Variants in MRPS9 observed in about 807,000 individuals in gnomAD.
The protein encoded by MRPS9 is mitochondrial ribosomal protein S9.
Under a neutral mutation model 59.9 loss-of-function variants are expected in MRPS9, and 45 were observed. That is an observed-to-expected ratio of 0.75 (90% CI 0.59 to 0.96). MRPS9 has a LOEUF of 0.96. MRPS9 is among the 40% of genes least tolerant of loss of function. The pLI is 0.00. For missense variants in MRPS9, 473 were observed against 481.1 expected (o/e 0.98, Z 0.16); for synonymous variants, 171 against 166.8 (o/e 1.03, Z -0.19).
At chr2:105,076,509 A>G (rs1680215788) in intron 4 of MRPS9, among the ~76,000 whole-genome samples, 1 of 152,272 alleles carries the variant, frequency 6.6e-6, no homozygotes, top group Non-Finnish European at 1.5e-5. Flanking sequence ...ACATACGTAT[A>G]TACATACATG....
chr2:105,059,035 T>A (rs928884358), intron 2 of MRPS9, among the ~76,000 whole-genome samples: 1 of 151,420 alleles, frequency 6.6e-6, no homozygotes, highest in African/African-American at 2.4e-5. Flanking sequence ...ATTTTTTCTT[T>A]TGGAAAAAGC....
At chr2:105,093,116 T>G (rs1680592661) in intron 8 of MRPS9, among the ~76,000 whole-genome samples, 1 of 152,270 alleles carries the variant, frequency 6.6e-6, no homozygotes, top group South Asian at 2.1e-4. Context: ...TTCCTGAGTA[T>G]TTTTTTATTT....
chr2:105,051,210 G>T (rs115729520), intron 2 of MRPS9, among the ~76,000 whole-genome samples: 1 of 152,138 alleles, frequency 6.6e-6, no homozygotes, highest in South Asian at 2.1e-4. Flanking sequence ...CCATTTTAAC[G>T]TAATTTTTGT....
chr2:105,046,507 C>A (rs534592662), intron 1 of MRPS9, among the ~76,000 whole-genome samples: 10 of 152,056 alleles, frequency 6.6e-5, no homozygotes, highest in African/African-American at 2.4e-4. Flanking sequence ...TCTGTCCATG[C>A]TCACACCCAC....
intron 7 of MRPS9, chr2:105,092,181 T>A (rs1211044545): frequency 2.3e-6 from 1 of 432,428 alleles, no homozygotes; most frequent in African/African-American, 2.0e-5. Flanking sequence ...GAATGATAAA[T>A]CTCTTTGTTT....
chr2:105,067,790 G>A (rs1301705461), intron 2 of MRPS9, among the ~76,000 whole-genome samples: 6 of 152,088 alleles, frequency 3.9e-5, no homozygotes, highest in Non-Finnish European at 8.8e-5. Context: ...GCACATGAAT[G>A]TGCATGTCAC....
chr2:105,078,315 A>AGTTGTGTGT (rs144714916), intron 4 of MRPS9, among the ~76,000 whole-genome samples: 1 of 147,356 alleles, frequency 6.8e-6, no homozygotes, highest in Non-Finnish European at 1.5e-5. Context: ...GGTGAAGTCA[A>AGTTGTGTGT]GTGTGTGTGT....
chr2:105,057,372 G>GCCAA (rs1679813321), intron 2 of MRPS9, among the ~76,000 whole-genome samples: 1 of 152,134 alleles, frequency 6.6e-6, no homozygotes, highest in Non-Finnish European at 1.5e-5. Flanking sequence ...GCCAAATGTT[G>GCCAA]ATCAGTGTGT....
intron 2 of MRPS9, among the ~76,000 whole-genome samples, chr2:105,055,821 C>T (rs926753023): frequency 1.3e-5 from 2 of 152,092 alleles, no homozygotes; most frequent in African/African-American, 4.8e-5. Flanking sequence ...GTCAGCATTT[C>T]CATGCTGCAA....
chr2:105,039,980 A>G lies in MRPS9; in HGVS notation c.135+1753A>G, dbSNP rs118046579. On this transcript the variant is annotated intron_variant, in intron 1 of 10. Coordinates refer to ENST00000258455, the MANE Select transcript of MRPS9 (RefSeq NM_182640.3). ...ATTTAAAGTCAAACAATTACAAGAT[A>G]GTATCCACCCTTAGCACTCTTAAGG... Among the ~76,000 whole-genome samples, 173 of 152,360 alleles carry G rather than the reference A, an allele frequency of 1.1e-3. 3 individuals carry two copies. In the East Asian group the frequency reaches 0.028, roughly 25 times the overall value.
intron 2 of MRPS9, among the ~76,000 whole-genome samples, chr2:105,066,438 A>G (rs995455318): frequency 3.3e-5 from 5 of 152,222 alleles, no homozygotes; most frequent in African/African-American, 1.2e-4. Flanking sequence ...TGTAAGCCCC[A>G]GACATCCTTT....
rs201725510 is a variant in MRPS9, at chr2:105,038,151, G to T, written c.59G>T (p.Gly20Val). 2 of 1,613,870 alleles carry T rather than the reference G, an allele frequency of 1.2e-6. No individual in the cohort carries two copies. Among genetic ancestry groups the T allele is most frequent in the Non-Finnish European group, 1.7e-6 (2 of 1,179,936 alleles). ...GAVSYRLLLW[G>V]RGSLARKQGL... ...GTTTCGTACCGGCTTCTTCTCTGGG[G>T]TAGGGGTAGCCTCGCCCGGAAGCAA... Residue 20 changes from glycine to valine, a missense_variant, in exon 1 of 11, where the codon GGT (glycine) becomes GTT (valine). Gly to Val is a moderately radical substitution (Grantham distance 109). Coordinates refer to ENST00000258455, the MANE Select transcript of MRPS9 (RefSeq NM_182640.3).
intron 2 of MRPS9, among the ~76,000 whole-genome samples, chr2:105,070,440 G>A (rs544855454): frequency 5.9e-5 from 9 of 152,236 alleles, no homozygotes; most frequent in African/African-American, 9.6e-5. Flanking sequence ...TTTACTATGC[G>A]GGTAGGCAGA....
intron 5 of MRPS9, among the ~76,000 whole-genome samples, chr2:105,087,789 C>T (rs78761109): frequency 4.0e-5 from 4 of 99,824 alleles, no homozygotes; most frequent in African/African-American, 1.4e-4. Context: ...CCCTCCCTCC[C>T]TCCTGCCTTT....
chr2:105,056,455 C>T (rs1679792585), intron 2 of MRPS9, among the ~76,000 whole-genome samples: 1 of 152,084 alleles, frequency 6.6e-6, no homozygotes, highest in South Asian at 2.1e-4. Flanking sequence ...CTTGTCATCT[C>T]CCTTGCTGTC....
chr2:105,076,445 A>G (rs1441654363), intron 4 of MRPS9, among the ~76,000 whole-genome samples: 13 of 152,240 alleles, frequency 8.5e-5, no homozygotes, highest in Non-Finnish European at 1.2e-4. Flanking sequence ...ACTGTTTTAA[A>G]AACGCTGAAT....
intron 2 of MRPS9, among the ~76,000 whole-genome samples, chr2:105,057,487 T>G (rs937166434): frequency 6.6e-6 from 1 of 152,168 alleles, no homozygotes; most frequent in Non-Finnish European, 1.5e-5. Flanking sequence ...AAAGAAAATT[T>G]GGTGTGTATG....
intron 2 of MRPS9, among the ~76,000 whole-genome samples, chr2:105,064,079 C>T (rs148804422): frequency 4.4e-4 from 67 of 152,148 alleles, no homozygotes; most frequent in African/African-American, 1.5e-3. Flanking sequence ...TTTAGAACTA[C>T]GGAAATAGAT....
intron 4 of MRPS9, among the ~76,000 whole-genome samples, chr2:105,072,774 A>C (rs1217370151): frequency 6.6e-6 from 1 of 152,192 alleles, no homozygotes; most frequent in Non-Finnish European, 1.5e-5. Context: ...ATTTTTATTC[A>C]AAGCTAGGCA....
Sources: allele counts gnomAD v4.1 joint callset (sites outside exome capture counted in the v4.1 genomes callset), GRCh38; gene constraint gnomAD v4.1.1; transcripts MANE v1.5; gene names NCBI Gene and HGNC (gene_info 2026-07-23, HGNC 2026-07-21).